Variants in APBA1 observed in about 807,000 individuals in gnomAD.
APBA1 encodes amyloid beta precursor protein binding family A member 1.
In APBA1, 55 loss-of-function variants were observed where a neutral mutation model predicts 86.6. That is an observed-to-expected ratio of 0.64 (90% CI 0.51 to 0.80). The LOEUF is 0.80. Among genes scored for constraint, APBA1 ranks in the 30% least tolerant of loss-of-function variants. APBA1 has a pLI of 0.00. For synonymous variants in APBA1, 511 were observed against 493.9 expected, an observed-to-expected ratio of 1.03 and a Z score of -0.46; for missense variants, 1,090 against 1,183.0, an observed-to-expected ratio of 0.92 and a Z score of 1.15.
At chr9:69,539,988 T>C (rs1294009215) in intron 1 of APBA1, among the ~76,000 whole-genome samples, 1 of 152,020 alleles carries the variant, frequency 6.6e-6, no homozygotes, top group African/African-American at 2.4e-5. Context: ...GGCATGGTGG[T>C]GTGTGCCTGT....
chr9:69,620,135 C>T (rs758838633), intron 1 of APBA1, among the ~76,000 whole-genome samples: 26 of 152,210 alleles, frequency 1.7e-4, no homozygotes, highest in Non-Finnish European at 2.9e-4. Flanking sequence ...TCCCTCACCA[C>T]GTTAGATCTG....
At chr9:69,530,434 T>C (rs1456935517) in intron 1 of APBA1, among the ~76,000 whole-genome samples, 1 of 151,882 alleles carries the variant, frequency 6.6e-6, no homozygotes, top group Non-Finnish European at 1.5e-5. Context: ...GATAGAGCTA[T>C]AGTCATTATT....
intron 1 of APBA1, among the ~76,000 whole-genome samples, chr9:69,531,218 A>G (rs1238012126): frequency 6.6e-6 from 1 of 152,144 alleles, no homozygotes; most frequent in Non-Finnish European, 1.5e-5. Context: ...GGCTACCATG[A>G]CAGACAGGAC....
At chr9:69,552,287 C>T (rs1836797173) in intron 1 of APBA1, among the ~76,000 whole-genome samples, 1 of 152,228 alleles carries the variant, frequency 6.6e-6, no homozygotes, top group East Asian at 1.9e-4. Flanking sequence ...TGTCCTCCAC[C>T]TTGCTTGATT....
At chr9:69,472,623 G>A (rs1191589198) in intron 3 of APBA1, 1 of 152,226 alleles carries the variant, frequency 6.6e-6, no homozygotes, top group Non-Finnish European at 1.5e-5. Flanking sequence ...TTCCATTGCT[G>A]AGAACCTACC....
rs541992608 is a variant in APBA1 at position 69,523,329 on chromosome 9, A to G, written c.-69-6050T>C. ...GTCAGACATAAGGCAAATGCAATGT[A>G]AAAAAGAGCAAAAGGCATCATACCA... On this transcript the variant is annotated intron_variant, in intron 1 of 12. Coordinates refer to ENST00000265381, the MANE Select transcript of APBA1 (RefSeq NM_001163.4). Among the ~76,000 whole-genome samples the G allele has an allele frequency of 1.4e-4, 21 of 151,890 alleles. 1 individual carries two copies. In the South Asian group the frequency reaches 3.3e-3, roughly 24 times the overall value.
At chr9:69,593,242 G>A (rs1172902264) in intron 1 of APBA1, among the ~76,000 whole-genome samples, 1 of 151,052 alleles carries the variant, frequency 6.6e-6, no homozygotes, top group East Asian at 1.9e-4. Context: ...ATATTTGGAG[G>A]CTGATATAAA....
chr9:69,504,406 T>C (rs949358077), intron 2 of APBA1, among the ~76,000 whole-genome samples: 20 of 152,098 alleles, frequency 1.3e-4, no homozygotes, highest in African/African-American at 4.6e-4. Context: ...CGACTTTCCA[T>C]TTGCTTTATG....
intron 1 of APBA1, among the ~76,000 whole-genome samples, chr9:69,518,836 C>T (rs991331912): frequency 5.9e-5 from 9 of 152,028 alleles, no homozygotes; most frequent in African/African-American, 2.2e-4. Flanking sequence ...CCATCACAAC[C>T]ACAGCAATTT....
rs1011498422 is a variant in APBA1 at position 69,629,720 on chromosome 9, T to C, written c.-70+42433A>G. The stretch of plus-strand genomic sequence containing the variant: ...CATATTCATTGAGCACTGCTATGTA[T>C]TGACCCAGTTCTAGTGCTGGGGTTA... On this transcript the variant is annotated intron_variant, in intron 1 of 12. Transcript: ENST00000265381. Among the ~76,000 whole-genome samples, 4 of 152,316 alleles carry C rather than the reference T, an allele frequency of 2.6e-5. No homozygotes were observed. The East Asian group carries it at 7.7e-4, about 29-fold the overall frequency.
At chr9:69,575,167 C>T (rs1821761807) in intron 1 of APBA1, among the ~76,000 whole-genome samples, 1 of 152,132 alleles carries the variant, frequency 6.6e-6, no homozygotes, top group East Asian at 1.9e-4. Context: ...ATCCACTGGC[C>T]TCAGCCTCCC....
At position 69,430,624 on chromosome 9, in the gene APBA1, C is replaced by A. The variant is rs1207394273; in HGVS notation, c.*703G>T. 1 of 152,370 alleles carries A rather than the reference C, an allele frequency of 6.6e-6. No individual in the cohort carries two copies. The highest frequency in any genetic ancestry group is 1.5e-5 in the Non-Finnish European group (1 of 68,048). The allele number at this position is 152,370 out of a possible 1,614,324, so 9.4% of individuals were successfully genotyped here. A position where few individuals can be genotyped will look rare whatever the true frequency, so the allele number is the denominator to read the frequency against. ...CTAATGGTTGATAACTTGAGGACAA[C>A]CTGGTAAAGCTTCAGATGCCCCATG... is the stretch of plus-strand genomic sequence containing the variant. On this transcript the variant is annotated 3_prime_UTR_variant, in exon 13 of 13. Coordinates refer to ENST00000265381, the MANE Select transcript of APBA1 (RefSeq NM_001163.4).
At chr9:69,647,342 T>C (rs866671647) in intron 1 of APBA1, among the ~76,000 whole-genome samples, 48 of 152,218 alleles carry the variant, frequency 3.2e-4, no homozygotes, top group Non-Finnish European at 5.9e-4. Context: ...TCTGCTATTT[T>C]ATTATTCCTT....
intron 1 of APBA1, among the ~76,000 whole-genome samples, chr9:69,605,268 TA>T (rs544009394): frequency 2.1e-4 from 31 of 146,436 alleles, no homozygotes; most frequent in Admixed American, 4.1e-4. Context: ...TCCTTTACAG[TA>T]AAAAAAAAAA....
chr9:69,500,361 G>A (rs547101164), intron 2 of APBA1, among the ~76,000 whole-genome samples: 1 of 152,066 alleles, frequency 6.6e-6, no homozygotes, highest in Non-Finnish European at 1.5e-5. Context: ...TATAGGACTC[G>A]ATATCTGCAA....
intron 1 of APBA1, among the ~76,000 whole-genome samples, chr9:69,583,355 T>C (rs1325803285): frequency 6.6e-6 from 1 of 152,160 alleles, no homozygotes; most frequent in African/African-American, 2.4e-5. Context: ...CGGTCTCTTC[T>C]TCAGCCCCTT....
intron 1 of APBA1, among the ~76,000 whole-genome samples, chr9:69,567,416 T>A (rs563472794): frequency 4.0e-4 from 61 of 152,270 alleles, no homozygotes; most frequent in African/African-American, 1.3e-3. Context: ...TTTTTTATTT[T>A]TTTATTTATT....
chr9:69,568,749 G>T (rs1474077204), intron 1 of APBA1, among the ~76,000 whole-genome samples: 2 of 152,216 alleles, frequency 1.3e-5, no homozygotes, highest in Admixed American at 6.5e-5. Flanking sequence ...TGTGTACCCA[G>T]TGTTCTACGC....
chr9:69,653,277 T>C (rs1189510707), intron 1 of APBA1, among the ~76,000 whole-genome samples: 1 of 152,172 alleles, frequency 6.6e-6, no homozygotes, highest in Non-Finnish European at 1.5e-5. Context: ...TAAATATATA[T>C]GCACTCAACA....
Sources: allele counts gnomAD v4.1 joint callset (sites outside exome capture counted in the v4.1 genomes callset), GRCh38; gene constraint gnomAD v4.1.1; transcripts MANE v1.5; gene names NCBI Gene and HGNC (gene_info 2026-07-23, HGNC 2026-07-21).